The following NPM1 variants were observed in gnomAD, a reference collection of about 807,000 sequenced individuals.
The protein encoded by NPM1 is nucleophosmin.
NPM1 carries 1 observed loss-of-function variant against 44.1 expected under a neutral mutation model. The observed-to-expected ratio is 0.02, with a 90% CI of 0.01 to 0.11. NPM1 has a LOEUF of 0.11. Among genes scored for constraint, NPM1 ranks in the 10% least tolerant of loss-of-function variants. The probability of loss-of-function intolerance (pLI) is 1.00; values close to 1 mark genes in which losing one functional copy is unlikely to be tolerated. For missense variants in NPM1, 197 were observed against 347.8 expected (o/e 0.57, Z 3.45); for synonymous variants, 126 against 111.8 (o/e 1.13, Z -0.80).
At chr5:171,387,307 G>T (rs1219805223), upstream of NPM1, 1 of 153,920 alleles carries the variant, frequency 6.5e-6, no homozygotes, top group Non-Finnish European at 1.4e-5. Context: ...TCTGGCACCT[G>T]AACTTTGGGG....
intron 7 of NPM1, among the ~76,000 whole-genome samples, chr5:171,400,625 T>C (rs1239541874): frequency 6.6e-6 from 1 of 151,776 alleles, no homozygotes; most frequent in African/African-American, 2.4e-5. Flanking sequence ...CCCAGCTAAT[T>C]TTTGCATTTT....
intron 6 of NPM1, among the ~76,000 whole-genome samples, chr5:171,396,158 T>C (rs1483845900): frequency 6.6e-6 from 1 of 152,054 alleles, no homozygotes; most frequent in Non-Finnish European, 1.5e-5. Context: ...TTTTTGTATT[T>C]TTAATAGAGA....
At chr5:171,388,059 G>T in intron 1 of NPM1, 53 bp downstream of exon 1, 2 of 1,393,262 alleles carry the variant, frequency 1.4e-6, no homozygotes, top group South Asian at 1.2e-5. Context: ...GTGGCGGTGA[G>T]GGTGGGGGTG....
intron 9 of NPM1, among the ~76,000 whole-genome samples, chr5:171,405,911 A>G (rs1252998150): frequency 6.6e-6 from 1 of 152,182 alleles, no homozygotes; most frequent in Non-Finnish European, 1.5e-5. Flanking sequence ...ACATGTAGTA[A>G]TAGCTAGATT....
Position 171,400,167 on chromosome 5 carries a change from AT to A in NPM1, c.543del (p.Phe181LeufsTer12). 6.3e-7 allele frequency: 1 copy of A among 1,582,458 alleles called. No homozygotes were observed. The highest frequency in any genetic ancestry group is 8.7e-7 in the Non-Finnish European group (1 of 1,151,878). ...EDDDEDDDDD[D>X]FDDEEAEEKA... ...TTCATTTGTAGTGATGATGATGATG[AT>A]TTTGATGATGAGGAAGCTGAAGAAA... On this transcript the variant is annotated frameshift_variant, in exon 7 of 11. Transcript: ENST00000296930. LOFTEE classifies it high-confidence loss of function.
At chr5:171,387,254 A>G (rs77530255), upstream of NPM1, 2,317 of 152,444 alleles carry the variant, frequency 0.015, 52 homozygotes, top group African/African-American at 0.052. Flanking sequence ...GCCGGTAACT[A>G]CATCTTTCCT....
intron 6 of NPM1, among the ~76,000 whole-genome samples, chr5:171,399,265 G>GTT (rs1343640975): frequency 6.6e-6 from 1 of 150,492 alleles, no homozygotes; most frequent in Non-Finnish European, 1.5e-5. Context: ...TTTTGTTTTT[G>GTT]TTTTTTGAGA....
chr5:171,410,508 T>TC lies in NPM1; in HGVS notation c.847-18dup, dbSNP rs1416264980. 6.6e-7 allele frequency: 1 copy of TC among 1,517,014 alleles called. No homozygotes were observed. Among genetic ancestry groups the TC allele is most frequent in the Non-Finnish European group, 8.9e-7 (1 of 1,120,516 alleles). The allele number at this position is 1,517,014 out of a possible 1,614,324, so 94.0% of individuals were successfully genotyped here. On this transcript the variant is annotated intron_variant, in intron 10 of 10. Coordinates refer to ENST00000296930, the MANE Select transcript of NPM1 (RefSeq NM_002520.7). ...AGTGTTGTGGTTCCTTAACCACATT[T>TC]CTTTTTTTTTTTTTCCAGGCTATTC...
intron 1 of NPM1, among the ~76,000 whole-genome samples, chr5:171,389,193 C>A (rs1412138806): frequency 1.3e-5 from 2 of 151,734 alleles, no homozygotes; most frequent in Non-Finnish European, 1.5e-5. Flanking sequence ...TTGTACTATT[C>A]AGACTTTGAA....
intron 10 of NPM1, among the ~76,000 whole-genome samples, chr5:171,408,680 T>C (rs1771683824): frequency 6.6e-6 from 1 of 152,202 alleles, no homozygotes; most frequent in African/African-American, 2.4e-5. Flanking sequence ...ATTTGAATCC[T>C]AAAGTTTAAA....
intron 10 of NPM1, among the ~76,000 whole-genome samples, chr5:171,410,119 G>A (rs1408242498): frequency 6.6e-6 from 1 of 152,206 alleles, no homozygotes; most frequent in Non-Finnish European, 1.5e-5. Context: ...TTTTCTAAAT[G>A]TACACATGCC....
intron 8 of NPM1, among the ~76,000 whole-genome samples, chr5:171,402,952 C>CTTTTTT (rs560900151): frequency 1.5e-3 from 141 of 91,188 alleles, no homozygotes; most frequent in East Asian, 2.7e-3. Flanking sequence ...TCAGGTAGTT[C>CTTTTTT]TTTTTTTTTT....
chr5:171,399,095 C>T (rs1283721383), intron 6 of NPM1, among the ~76,000 whole-genome samples: 4 of 152,182 alleles, frequency 2.6e-5, no homozygotes, highest in Non-Finnish European at 5.9e-5. Flanking sequence ...GTGATCTGGC[C>T]GTCTCGGCCT....
Position 171,391,740 on chromosome 5 carries a change from T to C in NPM1, c.293T>C (p.Val98Ala). ...GGGGGCTTTGAAATAACACCACCAG[T>C]GGTCTTAAGGTTGAAGTGTGGTTCA... Reference protein sequence around the residue: ...SLGGFEITPPVVLRLKCGSGP... With the variant: ...SLGGFEITPPAVLRLKCGSGP... The change falls in exon 4 of 11, where the codon GTG (valine) becomes GCG (alanine). Residue 98 changes from valine to alanine, a missense_variant. This residue lies in a region of NPM1 where 43 missense variants were observed against 109.6 expected (regional missense o/e 0.39). Transcript: ENST00000296930. The C allele has an allele frequency of 6.2e-7, 1 of 1,611,472 alleles. No individual in the cohort carries two copies. Among genetic ancestry groups the C allele is most frequent in the Non-Finnish European group, 8.5e-7 (1 of 1,179,072 alleles).
rs1286663776 is a variant in NPM1 at position 171,403,788 on chromosome 5, C to G, written c.670-1514C>G. ...GGGCGGCTGGCCGGGCAGAGGGGCT[C>G]CTCACTTCCCAGTAGGGGCGGCCGG... is the stretch of plus-strand genomic sequence containing the variant. On this transcript the variant is annotated intron_variant, in intron 8 of 10. Coordinates refer to ENST00000296930, the MANE Select transcript of NPM1 (RefSeq NM_002520.7). Among the ~76,000 whole-genome samples, 5 of 114,130 alleles carry G rather than the reference C, an allele frequency of 4.4e-5. No homozygotes were observed. The East Asian group carries it at 1.5e-3, about 33-fold the overall frequency. The allele number at this position is 114,130 out of a possible 152,430, so 74.9% of individuals were successfully genotyped here.
rs142254256 is a variant in NPM1 at position 171,387,987 on chromosome 5, G to A, written c.39G>A (p.Arg13=). 1,525 of 1,489,632 alleles carry A rather than the reference G, an allele frequency of 1.0e-3. 1 individual carries two copies. The highest frequency in any genetic ancestry group is 1.3e-3 in the Non-Finnish European group (1,460 of 1,103,996). The allele number at this position is 1,489,632 out of a possible 1,614,324, so 92.3% of individuals were successfully genotyped here. ...TGGACATGGACATGAGCCCCCTGAG[G>A]CCCCAGAACTATCTTTTCGGTAACT... ...DSMDMDMSPL[R]PQNYLFGCEL... is the part of the protein sequence containing the mutation. The change falls in exon 1 of 11, where the codon AGG becomes AGA. Residue 13 remains arginine, a synonymous_variant. Transcript: ENST00000296930.
In NPM1 at chr5:171,400,871, A is replaced by G. The variant is rs201906545; in HGVS notation, c.615A>G (p.Gln205=). The part of the protein sequence containing the change: ...SIRDTPAKNA[Q]KSNQNGKDSK... ...GAGATACTCCAGCCAAAAATGCACA[A>G]AAGTCAAATCAGAATGGAAAAGACT... The change falls in exon 8 of 11, where the codon CAA becomes CAG. Residue 205 remains glutamine (Q), a synonymous_variant. Coordinates refer to ENST00000296930, the MANE Select transcript of NPM1 (RefSeq NM_002520.7). 4.1e-5 allele frequency: 66 copies of G among 1,612,496 alleles called. No individual in the cohort carries two copies. The highest frequency in any genetic ancestry group is 8.9e-5 in the East Asian group (4 of 44,860).
In NPM1 at chr5:171,405,685, C is replaced by G. The variant is rs180914051; in HGVS notation, c.771+282C>G. 9.5e-4 allele frequency: 349 copies of G among 366,570 alleles called. 3 individuals carry two copies. Among genetic ancestry groups the G allele is most frequent in the African/African-American group, 7.0e-3 (324 of 46,266 alleles). The allele number at this position is 366,570 out of a possible 1,614,324, so 22.7% of individuals were successfully genotyped here. A position where few individuals can be genotyped will look rare whatever the true frequency, so the allele number is the denominator to read the frequency against. On this transcript the variant is annotated intron_variant, in intron 9 of 10. Transcript: ENST00000296930. ...TCTGACCTTCCATGTTAAAATAGAT[C>G]AGTGAAAACCCTTTGCCTATTCTGG...
chr5:171,387,944 A>G lies in NPM1; in HGVS notation c.-5A>G, dbSNP rs1194103170. On this transcript the variant is annotated 5_prime_UTR_variant, in exon 1 of 11. Transcript: ENST00000296930. ...CTCTCCTACCTAAGTGCGTGCCGCC[A>G]CCCGATGGAAGATTCGATGGACATG... 7 of 1,611,946 alleles carry G rather than the reference A, an allele frequency of 4.3e-6. No homozygotes were observed. Among genetic ancestry groups the G allele is most frequent in the Non-Finnish European group, 5.9e-6 (7 of 1,179,676 alleles).
Sources: gnomAD v4.1 joint callset for allele counts (sites outside exome capture counted in the v4.1 genomes callset) on GRCh38, gnomAD v4.1.1 for gene constraint, gnomAD v4.1.1 regional missense constraint, MANE v1.5 for transcripts, NCBI Gene and HGNC (gene_info 2026-07-23, HGNC 2026-07-21) for gene names.